LRP2: variants seen among roughly 807,000 people sequenced by gnomAD.
LRP2 encodes the protein low-density lipoprotein receptor-related protein 2.
LRP2 carries 172 observed loss-of-function variants against 531.0 expected under a neutral mutation model. That is an observed-to-expected ratio of 0.32 (90% CI 0.29 to 0.37). LRP2 has a LOEUF of 0.37. Among genes scored for constraint, LRP2 ranks in the 10% least tolerant of loss-of-function variants. LRP2 has a pLI of 1.00. For missense variants in LRP2, 5,167 were observed against 5,868.3 expected (o/e 0.88, Z 3.90); for synonymous variants, 1,992 against 2,027.6 (o/e 0.98, Z 0.47).
chr2:169,174,407 C>G (rs2024481), intron 55 of LRP2, among the ~76,000 whole-genome samples: 3 of 152,030 alleles, frequency 2.0e-5, no homozygotes, highest in Non-Finnish European at 4.4e-5. Flanking sequence ...ACACCCTGAC[C>G]TGTTAAGCAT....
At chr2:169,129,184 G>A in intron 77 of LRP2, 100 bp from the exon 78 acceptor site, 1 of 889,426 alleles carries the variant, frequency 1.1e-6, no homozygotes, top group Non-Finnish European at 1.9e-6. Flanking sequence ...TTACTGAAGG[G>A]TAAAGCAATT....
intron 16 of LRP2, among the ~76,000 whole-genome samples, chr2:169,268,274 T>C (rs1683289736): frequency 6.6e-6 from 1 of 152,204 alleles, no homozygotes; most frequent in East Asian, 1.9e-4. Context: ...AACATCATTC[T>C]GATACCAAAG....
rs140045155 is a variant in LRP2 at position 169,356,343 on chromosome 2, G to C, written c.79+5978C>G. Among the ~76,000 whole-genome samples the C allele has an allele frequency of 4.5e-4, 68 of 152,306 alleles. 1 individual carries two copies. The highest frequency in any genetic ancestry group is 1.6e-3 in the African/African-American group (65 of 41,556). ...AACATGCACAGGTGCATCATTCTCA[G>C]ACCCACGGTAAAGAAGATACCAAAA... On this transcript the variant is annotated intron_variant, in intron 1 of 78. Coordinates refer to ENST00000649046, the MANE Select transcript of LRP2 (RefSeq NM_004525.3).
At chr2:169,142,311 C>T (rs773186742) in intron 71 of LRP2, among the ~76,000 whole-genome samples, 2 of 152,128 alleles carry the variant, frequency 1.3e-5, no homozygotes, top group Non-Finnish European at 2.9e-5. Context: ...GGTTCTCTAC[C>T]CTGAGGAGCT....
In LRP2 at chr2:169,213,660, GT is replaced by G. The variant is rs1559020661; in HGVS notation, c.6036del (p.Arg2012SerfsTer15). 1 of 1,611,158 alleles carries G rather than the reference GT, an allele frequency of 6.2e-7. No individual in the cohort carries two copies. On this transcript the variant is annotated frameshift_variant, in exon 36 of 79. Transcript: ENST00000649046. LOFTEE classifies it high-confidence loss of function. The stretch of plus-strand genomic sequence containing the variant: ...TATTTCAGTGACAAATACTTACTGC[GT>G]CTGTGATAAACTTGAAGACCCCTCA... ...PNLRGLQVYH[R>X]RNAAESSNGC...
chr2:169,168,065 GA>G (rs1686855315), intron 61 of LRP2, among the ~76,000 whole-genome samples: 1 of 80,866 alleles, frequency 1.2e-5, no homozygotes, highest in African/African-American at 4.3e-5. Context: ...CAGCAAGAGG[GA>G]ATTAGATGGC....
Position 169,169,699 on chromosome 2 carries a change from T to C in LRP2, c.11497+3A>G, listed in dbSNP as rs766319061. ...AGTACTACATATGTGTCTAGGGACT[T>C]ACGACAATCAGCTTCATCAGACGCA... On this transcript the variant is annotated splice_donor_region_variant and intron_variant, in intron 60 of 78. Coordinates refer to ENST00000649046, the MANE Select transcript of LRP2 (RefSeq NM_004525.3). 2.5e-6 allele frequency: 4 copies of C among 1,612,486 alleles called. No individual in the cohort carries two copies. Among genetic ancestry groups the C allele is most frequent in the Non-Finnish European group, 3.4e-6 (4 of 1,178,454 alleles).
At chr2:169,243,845 GACC>G (rs35544194) in intron 22 of LRP2, among the ~76,000 whole-genome samples, 44,671 of 151,622 alleles carry the variant, frequency 0.29, 7,337 homozygotes, top group South Asian at 0.58. Flanking sequence ...CATGACTCTA[GACC>G]AAAGCCAAGC....
chr2:169,183,818 T>G (rs890071035), intron 50 of LRP2, among the ~76,000 whole-genome samples: 5 of 152,218 alleles, frequency 3.3e-5, no homozygotes, highest in Non-Finnish European at 5.9e-5. Flanking sequence ...AACACCCTAA[T>G]GCTGACAGCA....
rs575525961 is a variant in LRP2 at position 169,324,845 on chromosome 2, C to T, written c.80-3961G>A. 1.2e-3 allele frequency among the ~76,000 whole-genome samples: 186 copies of T among 152,134 alleles called. 2 individuals are homozygous for T. The highest frequency in any genetic ancestry group is 4.4e-3 in the African/African-American group (182 of 41,504). ...TCATTTACAGCCTCTGGCACAGCACCGGGTGCTTATGGAATAGCTAATGCA... is the reference window on the plus strand; with the variant it reads ...TCATTTACAGCCTCTGGCACAGCACTGGGTGCTTATGGAATAGCTAATGCA... On this transcript the variant is annotated intron_variant, in intron 1 of 78. Transcript: ENST00000649046.
At chr2:169,243,719 A>G (rs770363055) in intron 22 of LRP2, among the ~76,000 whole-genome samples, 197 bp from the exon 23 acceptor site, 1 of 152,262 alleles carries the variant, frequency 6.6e-6, no homozygotes, top group Non-Finnish European at 1.5e-5. Flanking sequence ...ATTGAGAATA[A>G]AAAGATTACA....
chr2:169,267,227 C>A (rs1364072526), intron 16 of LRP2, among the ~76,000 whole-genome samples: 1 of 152,030 alleles, frequency 6.6e-6, no homozygotes, highest in Admixed American at 6.6e-5. Flanking sequence ...TTTATTTTCT[C>A]AATCTAAAAC....
At chr2:169,284,256 C>CTCTTTTTTTTTTTTTTTT (rs1553508684) in intron 9 of LRP2, among the ~76,000 whole-genome samples, 7 of 96,670 alleles carry the variant, frequency 7.2e-5, no homozygotes, top group African/African-American at 1.8e-4. Flanking sequence ...TCTTTTTTTT[C>CTCTTTTTTTTTTTTTTTT]TTTTTTTTTT....
intron 45 of LRP2, 39 bp from the exon 46 acceptor site, chr2:169,197,069 A>G (rs1045447227): frequency 3.1e-6 from 5 of 1,611,092 alleles, no homozygotes; most frequent in Middle Eastern, 1.8e-4. Flanking sequence ...TGAGCAAAAC[A>G]CAAGCATGTT....
At position 169,127,864 on chromosome 2, in the gene LRP2, G is replaced by C. The variant is rs1189820095; in HGVS notation, c.*799C>G. The stretch of plus-strand genomic sequence containing the variant: ...CCACCTTGAATGTCAGGTGAGGGGA[G>C]AAATTGCTCCAGGGTCCATCAGCAG... On this transcript the variant is annotated 3_prime_UTR_variant, in exon 79 of 79. Coordinates refer to ENST00000649046, the MANE Select transcript of LRP2 (RefSeq NM_004525.3). The C allele has an allele frequency of 6.6e-6, 1 of 152,288 alleles. No individual in the cohort carries two copies. The highest frequency in any genetic ancestry group is 1.5e-5 in the Non-Finnish European group (1 of 68,024). The allele number at this position is 152,288 out of a possible 1,614,324, so 9.4% of individuals were successfully genotyped here. A position where few individuals can be genotyped will look rare whatever the true frequency, so the allele number is the denominator to read the frequency against.
chr2:169,271,575 A>C lies in LRP2; in HGVS notation c.2117-468T>G, dbSNP rs1683414654. 1.9e-5 allele frequency: 4 copies of C among 210,742 alleles called. No individual in the cohort carries two copies. The Admixed American group carries it at 2.6e-4, about 14-fold the overall frequency. 13.1% of individuals were successfully genotyped at this position (210,742 alleles called of 1,614,324 possible). A position where few individuals can be genotyped will look rare whatever the true frequency, so the allele number is the denominator to read the frequency against. On this transcript the variant is annotated intron_variant, in intron 15 of 78. Transcript: ENST00000649046. Reference sequence around the variant, plus strand: ...ATTAGATACTGAGTTTTAATTATCAAGTTATAAGTATCATTACAATAAACA... The same window carrying C: ...ATTAGATACTGAGTTTTAATTATCACGTTATAAGTATCATTACAATAAACA...
rs756870198 is a variant in LRP2, at chr2:169,175,264, G to C, written c.10697C>G (p.Thr3566Ser). The C allele has an allele frequency of 1.2e-6, 2 of 1,614,088 alleles. No homozygotes were observed. Among genetic ancestry groups the C allele is most frequent in the African/African-American group, 2.7e-5 (2 of 74,918 alleles). The change falls in exon 55 of 79, where the codon ACC (threonine) becomes AGC (serine). Residue 3566 changes from threonine (T) to serine (S), a missense_variant. By Grantham distance (58) the Thr-to-Ser change is moderately conservative. Around this residue, in one of 6 missense-constraint regions of LRP2, gnomAD observed 311 missense variants for 309.4 expected, o/e 1.01. Coordinates refer to ENST00000649046, the MANE Select transcript of LRP2 (RefSeq NM_004525.3). ...AGCATTGCATAAAGTCTGCGGGCTG[G>C]TGCAGTTGCCGTCACTGCACTGGAA... ...GQFQCSDGNC[T>S]SPQTLCNAHQ... is the part of the protein sequence containing the mutation.
At chr2:169,240,933 C>G (rs1689781424) in intron 25 of LRP2, 55 bp downstream of exon 25, 1 of 1,598,676 alleles carries the variant, frequency 6.3e-7, no homozygotes, top group African/African-American at 1.3e-5. Context: ...TGATGCACAC[C>G]AGGCTACTGT....
chr2:169,211,443 CTG>C (rs1429736585), intron 37 of LRP2, among the ~76,000 whole-genome samples: 2 of 152,198 alleles, frequency 1.3e-5, no homozygotes, highest in Admixed American at 1.3e-4. Flanking sequence ...GGGACTGACA[CTG>C]TGAACTCTTT....
Sources: gnomAD v4.1 joint callset for allele counts (sites outside exome capture counted in the v4.1 genomes callset) on GRCh38, gnomAD v4.1.1 for gene constraint, gnomAD v4.1.1 regional missense constraint, MANE v1.5 for transcripts, NCBI Gene and HGNC (gene_info 2026-07-23, HGNC 2026-07-21) for gene names.